Variants in SV2B observed in about 807,000 individuals in gnomAD.
The protein encoded by SV2B is solute carrier family 22 member B2.
Under a neutral mutation model 73.9 loss-of-function variants are expected in SV2B, and 41 were observed. That is an observed-to-expected ratio of 0.56 (90% confidence interval 0.43 to 0.72). The LOEUF (loss-of-function observed/expected upper bound fraction) is 0.72, where lower values mean the gene tolerates loss of function less well. Among genes scored for constraint, SV2B ranks in the 30% least tolerant of loss-of-function variants. The pLI, the probability that SV2B is intolerant of heterozygous loss-of-function variation, is 0.00. For missense variants in SV2B, 764 were observed against 857.8 expected (o/e 0.89, Z 1.37); for synonymous variants, 314 against 314.2 (o/e 1.00, Z 0.01).
chr15:91,219,557 T>C (rs1387179474), intron 1 of SV2B, among the ~76,000 whole-genome samples: 1 of 152,190 alleles, frequency 6.6e-6, no homozygotes, highest in South Asian at 2.1e-4. Flanking sequence ...AAGCCCATGA[T>C]AGTGGGAAAC....
At chr15:91,285,212 T>G (rs1176891466) in intron 11 of SV2B, among the ~76,000 whole-genome samples, 1 of 152,220 alleles carries the variant, frequency 6.6e-6, no homozygotes, top group East Asian at 1.9e-4. Context: ...TTATAAATAG[T>G]AGCATGCATA....
intron 1 of SV2B, among the ~76,000 whole-genome samples, chr15:91,135,299 G>A (rs1193515081): frequency 1.3e-5 from 2 of 152,038 alleles, no homozygotes; most frequent in East Asian, 1.9e-4. Flanking sequence ...TTTTCATCCC[G>A]TTGGAGGCAA....
intron 6 of SV2B, among the ~76,000 whole-genome samples, chr15:91,263,303 C>T (rs903140538): frequency 1.3e-5 from 2 of 151,774 alleles, no homozygotes; most frequent in African/African-American, 4.8e-5. Flanking sequence ...CACACAGACA[C>T]AGGAACACAC....
chr15:91,147,030 C>T (rs2043166415), intron 1 of SV2B, among the ~76,000 whole-genome samples: 1 of 152,212 alleles, frequency 6.6e-6, no homozygotes, highest in Non-Finnish European at 1.5e-5. Flanking sequence ...AAGCATTTAT[C>T]CCATTAGACT....
chr15:91,176,180 A>G (rs2044301501), intron 1 of SV2B, among the ~76,000 whole-genome samples: 2 of 151,908 alleles, frequency 1.3e-5, no homozygotes, highest in Middle Eastern at 3.2e-3. Flanking sequence ...GAGAATGATG[A>G]TTTCTGATTT....
In SV2B at chr15:91,223,362, C is replaced by T. The variant is rs920675491; in HGVS notation, c.-391-2511C>T. Among the ~76,000 whole-genome samples the T allele has an allele frequency of 2.0e-5, 3 of 152,220 alleles. No homozygotes were observed. Among genetic ancestry groups the T allele is most frequent in the Non-Finnish European group, 4.4e-5 (3 of 68,044 alleles). ...TTCTTAAATGAAATAGAAATGAACA[C>T]TCACTGGACAGTGATTCCCCTTTAC... is the stretch of plus-strand genomic sequence containing the variant. On this transcript the variant is annotated intron_variant, in intron 1 of 12. Transcript: ENST00000394232. The surrounding 1 kb of genome is among the most constrained non-coding windows in gnomAD (Gnocchi z 4.6).
At position 91,226,295 on chromosome 15, in the gene SV2B, G is replaced by C; in HGVS notation, c.32G>C (p.Gly11Ala). MDDYKYQDNY[G>A]GYAPSDGYYR... ...GACTACAAGTATCAGGACAATTATG[G>C]GGGCTATGCTCCCAGTGATGGCTAT... Residue 11 changes from glycine to alanine, a missense_variant, in exon 2 of 13, where the codon GGG becomes GCG. Gly to Ala is a moderately conservative substitution (Grantham distance 60). Coordinates refer to ENST00000394232, the MANE Select transcript of SV2B (RefSeq NM_001323032.3). 1 of 1,614,122 alleles carries C rather than the reference G, an allele frequency of 6.2e-7. No homozygotes were observed. The highest frequency in any genetic ancestry group is 8.5e-7 in the Non-Finnish European group (1 of 1,180,024).
intron 1 of SV2B, among the ~76,000 whole-genome samples, chr15:91,180,785 T>C (rs1248460541): frequency 1.3e-5 from 2 of 152,216 alleles, no homozygotes; most frequent in Admixed American, 6.5e-5. Context: ...ATTCTAGTTA[T>C]ACATTCATCT....
chr15:91,283,957 C>T lies in SV2B; in HGVS notation c.1508-64C>T. ...AGGAGGGGGCAGACTTCATCCCTGC[C>T]TCTGCCTTTCTCTCTCCAGCTCCCT... On this transcript the variant is annotated intron_variant, in intron 10 of 12. Coordinates refer to ENST00000394232, the MANE Select transcript of SV2B (RefSeq NM_001323032.3). The surrounding 1 kb of genome is among the most constrained non-coding windows in gnomAD (Gnocchi z 4.3). 1.9e-6 allele frequency: 3 copies of T among 1,549,714 alleles called. No individual in the cohort carries two copies. The South Asian group carries it at 3.4e-5, about 17-fold the overall frequency.
rs185574106 is a variant in SV2B at position 91,297,455 on chromosome 15, C to T, written c.*4903C>T. ...TAAACTTTTGCGTGCATCAGAATCA[C>T]CCAGAAAGATGTTAAAACTCACTCT... On this transcript the variant is annotated 3_prime_UTR_variant, in exon 13 of 13. Transcript: ENST00000394232. This position sits in a 1 kb window ranked among gnomAD's most constrained non-coding sequence, Gnocchi z 5.1. The T allele has an allele frequency of 3.4e-4, 52 of 152,300 alleles. 1 individual carries two copies. The highest frequency in any genetic ancestry group is 2.5e-3 in the Admixed American group (38 of 15,308). The allele number at this position is 152,300 out of a possible 1,614,324, so 9.4% of individuals were successfully genotyped here.
intron 1 of SV2B, among the ~76,000 whole-genome samples, chr15:91,131,605 C>T (rs973723047): frequency 1.3e-4 from 20 of 150,006 alleles, no homozygotes; most frequent in Admixed American, 6.6e-4. Flanking sequence ...AGGAATTTGG[C>T]GTCAGCCTGG....
At chr15:91,238,627 C>A (rs1052014715) in intron 2 of SV2B, among the ~76,000 whole-genome samples, 1 of 152,216 alleles carries the variant, frequency 6.6e-6, no homozygotes, top group Non-Finnish European at 1.5e-5. Flanking sequence ...TCTCTGTAGG[C>A]GAGAGAGGGA....
In SV2B at chr15:91,132,251, T is replaced by G. The variant is rs114088830; in HGVS notation, c.-392+31888T>G. ...TAGAAGTTTCCCATTGGCTGCTTCA[T>G]GCTCACCTCATGTAAATGAAGTAGT... On this transcript the variant is annotated intron_variant, in intron 1 of 12. Coordinates refer to ENST00000394232, the MANE Select transcript of SV2B (RefSeq NM_001323032.3). The surrounding 1 kb of genome is among the most constrained non-coding windows in gnomAD (Gnocchi z 4.6). Among the ~76,000 whole-genome samples, 5,367 of 152,314 alleles carry G rather than the reference T, an allele frequency of 0.035. 307 individuals carry two copies. The highest frequency in any genetic ancestry group is 0.12 in the African/African-American group (4,978 of 41,538).
chr15:91,225,240 C>G (rs574018568), intron 1 of SV2B, among the ~76,000 whole-genome samples: 2 of 152,210 alleles, frequency 1.3e-5, no homozygotes, highest in African/African-American at 2.4e-5. Context: ...CATATGAGGA[C>G]AGAGTGGCCT....
chr15:91,218,338 T>C (rs6496773), intron 1 of SV2B, among the ~76,000 whole-genome samples: 39,957 of 151,800 alleles, frequency 0.26, 9,433 homozygotes, highest in African/African-American at 0.64. Flanking sequence ...GGTGGGCACT[T>C]CTGGAATGAA....
intron 1 of SV2B, among the ~76,000 whole-genome samples, chr15:91,146,285 T>C (rs1189864752): frequency 1.3e-5 from 2 of 152,206 alleles, no homozygotes; most frequent in African/African-American, 4.8e-5. Flanking sequence ...CAGATAGTTA[T>C]AGGTGTGCGG....
Position 91,122,559 on chromosome 15 carries a change from C to A in SV2B, c.-392+22196C>A, listed in dbSNP as rs189486170. ...AGACTCCCCCATCCTGGTTTCCTCT[C>A]CATCCTTTTTGCTGCTTCTAGTGAC... On this transcript the variant is annotated intron_variant, in intron 1 of 12. Coordinates refer to ENST00000394232, the MANE Select transcript of SV2B (RefSeq NM_001323032.3). The surrounding 1 kb of genome is among the most constrained non-coding windows in gnomAD (Gnocchi z 4.3). Among the ~76,000 whole-genome samples the A allele has an allele frequency of 3.3e-5, 5 of 152,342 alleles. No individual in the cohort carries two copies.
At chr15:91,217,649 A>G (rs907001275) in intron 1 of SV2B, among the ~76,000 whole-genome samples, 16 of 152,224 alleles carry the variant, frequency 1.1e-4, no homozygotes, top group Admixed American at 8.5e-4. Flanking sequence ...CTTGAAAGAG[A>G]CATTATCCTG....
At position 91,172,295 on chromosome 15, in the gene SV2B, C is replaced by T. The variant is rs568342890; in HGVS notation, c.-391-53578C>T. On this transcript the variant is annotated intron_variant, in intron 1 of 12. Coordinates refer to ENST00000394232, the MANE Select transcript of SV2B (RefSeq NM_001323032.3). ...CTGAAACATTTACATGTGCTTTTCTCTCTGCCAGGAAAGCCCTCCTCACCC... is the reference window on the plus strand; with the variant it reads ...CTGAAACATTTACATGTGCTTTTCTTTCTGCCAGGAAAGCCCTCCTCACCC... Among the ~76,000 whole-genome samples, 6 of 152,332 alleles carry T rather than the reference C, an allele frequency of 3.9e-5. No homozygotes were observed. The East Asian group carries it at 7.7e-4, about 20-fold the overall frequency.
Sources: allele counts gnomAD v4.1 joint callset (sites outside exome capture counted in the v4.1 genomes callset), GRCh38; gene constraint gnomAD v4.1.1; non-coding constraint Gnocchi (gnomAD v3.1); transcripts MANE v1.5; gene names NCBI Gene and HGNC (gene_info 2026-07-23, HGNC 2026-07-21).